The following STK39 variants were observed in gnomAD, a reference collection of about 807,000 sequenced individuals.
STK39 encodes serine/threonine kinase 39.
In STK39, 20 loss-of-function variants were observed where a neutral mutation model predicts 77.8. The ratio of observed to expected loss-of-function variants is 0.26; its 90% confidence interval spans 0.18 to 0.37. The LOEUF (loss-of-function observed/expected upper bound fraction) is 0.37. STK39 is among the 10% of genes least tolerant of loss of function. The probability of loss-of-function intolerance (pLI) is 1.00; values close to 1 mark genes in which losing one functional copy is unlikely to be tolerated. For missense variants in STK39, 479 were observed against 656.5 expected (o/e 0.73, Z 2.95); for synonymous variants, 246 against 234.1 (o/e 1.05, Z -0.47).
chr2:168,242,078 G>A (rs900167212), intron 1 of STK39, among the ~76,000 whole-genome samples: 4 of 152,070 alleles, frequency 2.6e-5, no homozygotes, highest in Admixed American at 2.6e-4. Context: ...AAAATCAAAT[G>A]CATAAATAAA....
intron 10 of STK39, among the ~76,000 whole-genome samples, chr2:168,118,343 T>C (rs921241622): frequency 6.6e-6 from 1 of 152,142 alleles, no homozygotes; most frequent in Admixed American, 6.5e-5. Flanking sequence ...CCAGTAACAA[T>C]TAGTTTTCTA....
chr2:167,972,085 T>C (rs1202033436), intron 16 of STK39, among the ~76,000 whole-genome samples: 2 of 152,200 alleles, frequency 1.3e-5, no homozygotes, highest in African/African-American at 4.8e-5. Context: ...ATGATGTGGC[T>C]TGGCCCCAGG....
In STK39 at chr2:168,240,705, C is replaced by T. The variant is rs895831100; in HGVS notation, c.208+6523G>A. Reference sequence around the variant, plus strand: ...TTAACTGTATGAAGTTCCTGTGAAACATTCAAACGAAGACATTAAAAAGGT... The same window carrying T: ...TTAACTGTATGAAGTTCCTGTGAAATATTCAAACGAAGACATTAAAAAGGT... On this transcript the variant is annotated intron_variant, in intron 1 of 17. Coordinates refer to ENST00000355999, the MANE Select transcript of STK39 (RefSeq NM_013233.3). Among the ~76,000 whole-genome samples, 3 of 152,234 alleles carry T rather than the reference C, an allele frequency of 2.0e-5. No individual in the cohort carries two copies. In the South Asian group the frequency reaches 6.2e-4, roughly 31 times the overall value.
intron 10 of STK39, among the ~76,000 whole-genome samples, chr2:168,118,619 AAAAAC>A (rs1186430932): frequency 1.5e-5 from 2 of 133,884 alleles, no homozygotes; most frequent in Non-Finnish European, 1.7e-5. Context: ...AAAAAAAAAA[AAAAAC>A]AACAACTCAA....
At chr2:168,211,680 T>A (rs1354559798) in intron 1 of STK39, among the ~76,000 whole-genome samples, 1 of 152,220 alleles carries the variant, frequency 6.6e-6, no homozygotes, top group Non-Finnish European at 1.5e-5. Flanking sequence ...TAAAGCATCA[T>A]CAACGCCCTG....
At chr2:168,130,644 T>C (rs946239027) in intron 8 of STK39, among the ~76,000 whole-genome samples, 1 of 152,252 alleles carries the variant, frequency 6.6e-6, no homozygotes, top group African/African-American at 2.4e-5. Flanking sequence ...AATATCCTGT[T>C]CCTGAAAACC....
chr2:168,171,844 GCCCCCCCCACTCC>G (rs1262929625), intron 2 of STK39, among the ~76,000 whole-genome samples: 2 of 108,570 alleles, frequency 1.8e-5, no homozygotes, highest in African/African-American at 4.2e-5. Flanking sequence ...TCATTTCCAC[GCCCCCCCCACTCC>G]CCCCTCCCCC....
chr2:168,187,830 A>C (rs898622532), intron 1 of STK39, among the ~76,000 whole-genome samples: 1 of 152,196 alleles, frequency 6.6e-6, no homozygotes, highest in Non-Finnish European at 1.5e-5. Flanking sequence ...CTTTACGTTA[A>C]AGTTAAGACG....
intron 1 of STK39, among the ~76,000 whole-genome samples, chr2:168,187,350 CAAA>C (rs5836176): frequency 4.8e-5 from 7 of 145,196 alleles, no homozygotes; most frequent in East Asian, 4.0e-4. Context: ...GACTCCATCT[CAAA>C]AAAAAAAAAA....
intron 2 of STK39, among the ~76,000 whole-genome samples, chr2:168,179,370 C>G (rs748332076): frequency 1.3e-5 from 2 of 152,156 alleles, no homozygotes; most frequent in East Asian, 3.9e-4. Context: ...CCTGGCAAAT[C>G]AGGCAGGCTA....
intron 16 of STK39, among the ~76,000 whole-genome samples, chr2:167,994,428 T>G (rs1385530159): frequency 1.3e-5 from 2 of 152,166 alleles, no homozygotes; most frequent in Non-Finnish European, 2.9e-5. Flanking sequence ...TTGTTTTTTG[T>G]GTGTGTGTGG....
intron 14 of STK39, among the ~76,000 whole-genome samples, chr2:168,020,038 CACATTT>C (rs1419524778): frequency 6.6e-6 from 1 of 152,146 alleles, no homozygotes; most frequent in African/African-American, 2.4e-5. Context: ...GTCACCACTG[CACATTT>C]ACATAGTGCT....
chr2:168,160,730 C>G (rs1465152614), intron 5 of STK39, among the ~76,000 whole-genome samples: 2 of 152,178 alleles, frequency 1.3e-5, no homozygotes, highest in African/African-American at 4.8e-5. Context: ...CTCTGAACAA[C>G]TAGACTGCTT....
chr2:167,990,841 G>C (rs1683682976), intron 16 of STK39, among the ~76,000 whole-genome samples: 2 of 152,162 alleles, frequency 1.3e-5, no homozygotes, highest in African/African-American at 4.8e-5. Flanking sequence ...TGCGTACATG[G>C]AGCTTAGTCC....
At chr2:167,958,951 A>G (rs758569948) in intron 17 of STK39, among the ~76,000 whole-genome samples, 3 of 152,216 alleles carry the variant, frequency 2.0e-5, no homozygotes, top group Non-Finnish European at 4.4e-5. Context: ...ATGTCAACAA[A>G]TCATACCCAT....
chr2:168,147,009 C>T (rs939778962), intron 5 of STK39, among the ~76,000 whole-genome samples: 1 of 152,224 alleles, frequency 6.6e-6, no homozygotes. Context: ...GAGTCAGCCA[C>T]TTAGCCCTAG....
chr2:167,988,918 A>G (rs1370456885), intron 16 of STK39, among the ~76,000 whole-genome samples: 1 of 152,192 alleles, frequency 6.6e-6, no homozygotes, highest in Non-Finnish European at 1.5e-5. Context: ...ATAGATCGAG[A>G]GCAATCAGTG....
At chr2:168,004,496 G>T (rs753869525) in intron 16 of STK39, among the ~76,000 whole-genome samples, 1 of 152,042 alleles carries the variant, frequency 6.6e-6, no homozygotes, top group Non-Finnish European at 1.5e-5. Context: ...ACTTTGGGAG[G>T]CCGAGGCAGG....
intron 10 of STK39, among the ~76,000 whole-genome samples, chr2:168,127,444 C>T (rs1032727738): frequency 2.0e-4 from 31 of 152,258 alleles, no homozygotes; most frequent in African/African-American, 6.5e-4. Flanking sequence ...CCACCACACC[C>T]GGCCAAGTAA....
Sources: gnomAD v4.1 joint callset for allele counts (sites outside exome capture counted in the v4.1 genomes callset) on GRCh38, gnomAD v4.1.1 for gene constraint, MANE v1.5 for transcripts, NCBI Gene and HGNC (gene_info 2026-07-23, HGNC 2026-07-21) for gene names.